LRRC7: variants seen among roughly 807,000 people sequenced by gnomAD.
LRRC7 encodes leucine rich repeat containing 7, also known as leucine-rich repeat-containing protein 7.
A neutral mutation model predicts 175.7 loss-of-function variants in LRRC7; 23 were observed. That is an observed-to-expected ratio of 0.13 (90% CI 0.09 to 0.19). LRRC7 has a LOEUF of 0.19. LRRC7 is among the 10% of genes least tolerant of loss of function. The pLI is 1.00. For synonymous variants in LRRC7, 685 were observed against 680.9 expected (o/e 1.01, Z -0.09); for missense variants, 1,354 against 1,904.7 (o/e 0.71, Z 5.38).
intron 1 of LRRC7, among the ~76,000 whole-genome samples, chr1:69,588,597 A>C (rs553161820): frequency 1.4e-4 from 21 of 152,282 alleles, no homozygotes; most frequent in Non-Finnish European, 2.9e-4. Flanking sequence ...AGTAATAGTG[A>C]GGAAATTTGA....
intron 7 of LRRC7, among the ~76,000 whole-genome samples, chr1:69,850,853 G>A (rs1682898232): frequency 6.6e-6 from 1 of 152,010 alleles, no homozygotes; most frequent in South Asian, 2.1e-4. Context: ...ATCTGCTCAG[G>A]GAGATAGATA....
At chr1:70,104,301 A>G (rs1288842412) in intron 25 of LRRC7, among the ~76,000 whole-genome samples, 1 of 152,216 alleles carries the variant, frequency 6.6e-6, no homozygotes, top group African/African-American at 2.4e-5. Flanking sequence ...ACATTTTCAC[A>G]TTTCTCATCA....
chr1:69,744,891 A>C (rs182042364), intron 2 of LRRC7, among the ~76,000 whole-genome samples: 43 of 152,056 alleles, frequency 2.8e-4, no homozygotes, highest in African/African-American at 9.4e-4. Context: ...AACATAGTAA[A>C]ATGCTGTAAA....
intron 1 of LRRC7, among the ~76,000 whole-genome samples, chr1:69,676,390 CAT>C (rs1175045497): frequency 6.6e-6 from 1 of 151,984 alleles, no homozygotes; most frequent in Non-Finnish European, 1.5e-5. Context: ...TGAGGATAAT[CAT>C]ATAGATATTA....
chr1:70,085,843 T>A (rs1322210316), intron 24 of LRRC7, among the ~76,000 whole-genome samples: 1 of 152,222 alleles, frequency 6.6e-6, no homozygotes, highest in East Asian at 1.9e-4. Context: ...GAATGTAAGT[T>A]CTTTGAGGTC....
At chr1:69,928,427 A>C (rs1647162268) in intron 7 of LRRC7, among the ~76,000 whole-genome samples, 2 of 152,212 alleles carry the variant, frequency 1.3e-5, no homozygotes, top group Admixed American at 6.5e-5. Context: ...CTACAGAGGC[A>C]GGCACGCCTC....
chr1:69,586,530 G>A (rs938783062), intron 1 of LRRC7, among the ~76,000 whole-genome samples: 15 of 152,010 alleles, frequency 9.9e-5, no homozygotes, highest in African/African-American at 2.9e-4. Flanking sequence ...GCAGGGACTC[G>A]CCAGCAGCTG....
At chr1:70,096,956 C>T (rs1032494221) in intron 25 of LRRC7, among the ~76,000 whole-genome samples, 5 of 152,192 alleles carry the variant, frequency 3.3e-5, no homozygotes, top group Admixed American at 3.3e-4. Flanking sequence ...CAGGCAGTCT[C>T]AATGCTTTTA....
At chr1:70,073,034 G>T (rs908094959) in intron 23 of LRRC7, among the ~76,000 whole-genome samples, 1 of 152,102 alleles carries the variant, frequency 6.6e-6, no homozygotes, top group African/African-American at 2.4e-5. Flanking sequence ...GTCCTGTCAG[G>T]TTACCAGTTG....
At chr1:69,829,836 T>C (rs557045703) in intron 5 of LRRC7, among the ~76,000 whole-genome samples, 14 of 151,780 alleles carry the variant, frequency 9.2e-5, no homozygotes, top group Non-Finnish European at 1.8e-4. Flanking sequence ...ATCAAGTGTA[T>C]CCAGCTTGCT....
chr1:69,957,159 G>A (rs368673432), intron 8 of LRRC7, among the ~76,000 whole-genome samples: 73 of 151,694 alleles, frequency 4.8e-4, no homozygotes, highest in African/African-American at 1.7e-3. Flanking sequence ...TAGAGGCCAG[G>A]TGATGACTCA....
chr1:69,692,356 A>G (rs1661994842), intron 2 of LRRC7, among the ~76,000 whole-genome samples: 1 of 152,234 alleles, frequency 6.6e-6, no homozygotes, highest in Non-Finnish European at 1.5e-5. Context: ...CCCTCTACAC[A>G]GAAAATAGAT....
chr1:69,902,587 A>T (rs988903503), intron 7 of LRRC7, among the ~76,000 whole-genome samples: 7 of 152,164 alleles, frequency 4.6e-5, no homozygotes, highest in Non-Finnish European at 7.3e-5. Flanking sequence ...ACAAAAAAAA[A>T]AGCTTCAATT....
intron 22 of LRRC7, among the ~76,000 whole-genome samples, chr1:70,052,372 T>C (rs1011830932): frequency 3.3e-5 from 5 of 152,008 alleles, no homozygotes; most frequent in Non-Finnish European, 5.9e-5. Context: ...AATTTTAATA[T>C]ATATCATTTA....
intron 2 of LRRC7, among the ~76,000 whole-genome samples, chr1:69,684,238 T>G (rs897575366): frequency 6.6e-6 from 1 of 152,160 alleles, no homozygotes; most frequent in African/African-American, 2.4e-5. Context: ...CATGACATAT[T>G]GCCTGGCAGT....
At chr1:69,750,574 C>T (rs1669755535) in intron 2 of LRRC7, among the ~76,000 whole-genome samples, 1 of 152,184 alleles carries the variant, frequency 6.6e-6, no homozygotes, top group Non-Finnish European at 1.5e-5. Flanking sequence ...TAATGAAATA[C>T]TGAGTAATTT....
chr1:69,885,464 C>A (rs1687087852), intron 7 of LRRC7, among the ~76,000 whole-genome samples: 3 of 142,622 alleles, frequency 2.1e-5, no homozygotes, highest in Non-Finnish European at 3.0e-5. Flanking sequence ...GTGGTGATAT[C>A]CCCTTTATCA....
At chr1:69,744,642 GAATT>G (rs988986792) in intron 2 of LRRC7, among the ~76,000 whole-genome samples, 2 of 151,720 alleles carry the variant, frequency 1.3e-5, no homozygotes, top group African/African-American at 4.8e-5. Context: ...AATTGCTAAG[GAATT>G]ATTTGGTGTG....
rs141112737 is a variant in LRRC7 at position 69,965,380 on chromosome 1, A to G, written c.712-14999A>G. ...CATCTGTAGATTTCTCCTCTGGGCC[A>G]TTAATACAATCCTCCGAGTATTTAA... On this transcript the variant is annotated intron_variant, in intron 8 of 26. Transcript: ENST00000651989. Among the ~76,000 whole-genome samples the G allele has an allele frequency of 6.5e-3, 984 of 152,276 alleles. 9 individuals are homozygous for G. The highest frequency in any genetic ancestry group is 0.022 in the African/African-American group (908 of 41,560).
Sources: allele counts gnomAD v4.1 joint callset (sites outside exome capture counted in the v4.1 genomes callset), GRCh38; gene constraint gnomAD v4.1.1; transcripts MANE v1.5; gene names NCBI Gene and HGNC (gene_info 2026-07-23, HGNC 2026-07-21).